The following PUM1 variants were observed in gnomAD, a reference collection of about 807,000 sequenced individuals.
The protein encoded by PUM1 is pumilio RNA binding family member 1, also known as pumilio homolog 1.
PUM1 carries 13 observed loss-of-function variants against 131.8 expected under a neutral mutation model. The ratio of observed to expected loss-of-function variants is 0.10; its 90% CI spans 0.06 to 0.16. The LOEUF (loss-of-function observed/expected upper bound fraction) is 0.16, where lower values mean the gene tolerates loss of function less well. Among genes scored for constraint, PUM1 ranks in the 10% least tolerant of loss-of-function variants. The pLI is 1.00. For synonymous variants in PUM1, 509 were observed against 556.5 expected, an observed-to-expected ratio of 0.91 and a Z score of 1.20; for missense variants, 961 against 1,512.4, an observed-to-expected ratio of 0.64 and a Z score of 6.05.
intron 7 of PUM1, among the ~76,000 whole-genome samples, chr1:30,987,001 A>G (rs1429621926): frequency 1.3e-5 from 2 of 152,194 alleles, no homozygotes; most frequent in Non-Finnish European, 2.9e-5. Context: ...CAGAATATTG[A>G]ATCTTTGTTA....
intron 3 of PUM1, among the ~76,000 whole-genome samples, chr1:31,012,970 A>G (rs1220211674): frequency 1.3e-5 from 2 of 152,214 alleles, no homozygotes; most frequent in Non-Finnish European, 1.5e-5. Context: ...ATTGTGTACA[A>G]TGAAAGAGAT....
chr1:30,972,571 C>A (rs1040491197), intron 10 of PUM1, among the ~76,000 whole-genome samples: 1 of 149,206 alleles, frequency 6.7e-6, no homozygotes, highest in Non-Finnish European at 1.5e-5. Flanking sequence ...GTCAAGAGTT[C>A]GAGATCAGTC....
chr1:30,947,061 ATTTTCC>A (rs1639706356), intron 17 of PUM1, among the ~76,000 whole-genome samples: 1 of 152,190 alleles, frequency 6.6e-6, no homozygotes, highest in Admixed American at 6.5e-5. Context: ...TTTTAATTAA[ATTTTCC>A]TAACAGTCTT....
chr1:31,017,179 A>G (rs937065558), intron 3 of PUM1, among the ~76,000 whole-genome samples: 1 of 152,248 alleles, frequency 6.6e-6, no homozygotes, highest in Admixed American at 6.5e-5. Context: ...GAAAAAACAA[A>G]AAAAGCAGTA....
At chr1:30,940,302 C>G (rs548385816) in intron 20 of PUM1, among the ~76,000 whole-genome samples, 1 of 152,012 alleles carries the variant, frequency 6.6e-6, no homozygotes, top group East Asian at 1.9e-4. Flanking sequence ...ATGGTGAAAC[C>G]CTGTCTCTAC....
chr1:31,060,957 A>G lies in PUM1; in HGVS notation c.-11-1380T>C, dbSNP rs1470490076. On this transcript the variant is annotated intron_variant, in intron 1 of 21. Coordinates refer to ENST00000426105, the MANE Select transcript of PUM1 (RefSeq NM_001020658.2). ...AATATATTGATAGGATATTTCTTAA[A>G]GAAACAATAAAACCCTCTGACCAAG... is the stretch of plus-strand genomic sequence containing the variant. Among the ~76,000 whole-genome samples the G allele has an allele frequency of 2.0e-5, 3 of 152,046 alleles. No homozygotes were observed. The East Asian group carries it at 5.8e-4, about 29-fold the overall frequency.
chr1:31,032,300 C>T (rs1303447271), intron 2 of PUM1, among the ~76,000 whole-genome samples: 2 of 152,018 alleles, frequency 1.3e-5, no homozygotes, highest in African/African-American at 4.8e-5. Context: ...GCTCAAGAAT[C>T]AAGAGAAATC....
At position 30,953,858 on chromosome 1, in the gene PUM1, C is replaced by A; in HGVS notation, c.2447G>T (p.Arg816Leu). ...GACATCAGACATTCCATATCGCAAACGAGAGGAAGAGAAAAGAGTGCTGCT... is the reference window on the plus strand; with the variant it reads ...GACATCAGACATTCCATATCGCAAAAGAGAGGAAGAGAAAAGAGTGCTGCT... ...SPSSTLFSSS[R>L]LRYGMSDVMP... Residue 816 changes from arginine to leucine, a missense_variant, in exon 15 of 22, where the codon CGT becomes CTT. By Grantham distance (102) the Arg-to-Leu change is moderately radical (BLOSUM62 -2). Transcript: ENST00000426105. 6.2e-7 allele frequency: 1 copy of A among 1,614,192 alleles called. No individual in the cohort carries two copies. Among genetic ancestry groups the A allele is most frequent in the Non-Finnish European group, 8.5e-7 (1 of 1,180,034 alleles).
intron 3 of PUM1, among the ~76,000 whole-genome samples, chr1:31,014,229 A>T (rs1642725522): frequency 6.9e-6 from 1 of 144,306 alleles, no homozygotes; most frequent in African/African-American, 2.6e-5. Context: ...TGAGCCCAGG[A>T]GGTCAAGGCT....
intron 2 of PUM1, among the ~76,000 whole-genome samples, chr1:31,048,305 T>G (rs1644019646): frequency 6.6e-6 from 1 of 151,170 alleles, no homozygotes; most frequent in Non-Finnish European, 1.5e-5. Context: ...TACTTTACAG[T>G]TTACAAAGCA....
chr1:30,951,773 A>C (rs1394353266), intron 16 of PUM1, among the ~76,000 whole-genome samples: 1 of 152,252 alleles, frequency 6.6e-6, no homozygotes, highest in East Asian at 1.9e-4. Flanking sequence ...ATCAGCCAAG[A>C]AGCAGCATTT....
At chr1:31,005,711 CGTT>C (rs1557581722) in intron 5 of PUM1, 139 bp downstream of exon 5, 6 of 769,658 alleles carry the variant, frequency 7.8e-6, no homozygotes, top group Non-Finnish European at 1.2e-5. Context: ...TTACAACAAA[CGTT>C]GTTTGAAAAT....
intron 2 of PUM1, among the ~76,000 whole-genome samples, chr1:31,035,451 G>A (rs1643576673): frequency 6.6e-6 from 1 of 151,886 alleles, no homozygotes; most frequent in Admixed American, 6.6e-5. Flanking sequence ...TTCCCATTTT[G>A]GAAGCAAAGC....
intron 3 of PUM1, among the ~76,000 whole-genome samples, chr1:31,026,069 C>T (rs1344462537): frequency 6.6e-6 from 1 of 151,922 alleles, no homozygotes; most frequent in African/African-American, 2.4e-5. Context: ...CTGGGCAACA[C>T]AGTGAAACCC....
intron 3 of PUM1, among the ~76,000 whole-genome samples, chr1:31,025,545 CTTTTTTTTTT>C (rs35510099): frequency 1.1e-5 from 1 of 88,822 alleles, no homozygotes; most frequent in Non-Finnish European, 2.0e-5. Context: ...TGTTTTTTGT[CTTTTTTTTTT>C]TTTTTTTTTT....
Position 31,015,965 on chromosome 1 carries a change from G to A in PUM1, c.433-8863C>T, listed in dbSNP as rs145473939. 5.3e-3 allele frequency among the ~76,000 whole-genome samples: 802 copies of A among 152,214 alleles called. 6 individuals are homozygous for A. The highest frequency in any genetic ancestry group is 0.018 in the African/African-American group (732 of 41,528). On this transcript the variant is annotated intron_variant, in intron 3 of 21. Transcript: ENST00000426105. The stretch of plus-strand genomic sequence containing the variant: ...TGGGATTACAGGCATAAGCCACTGC[G>A]CCTGGCCACTTCAATACAATTTCAA...
intron 19 of PUM1, 71 bp downstream of exon 19, chr1:30,941,927 C>G (rs751611297): frequency 2.9e-6 from 4 of 1,394,286 alleles, no homozygotes; most frequent in Non-Finnish European, 3.9e-6. Context: ...CCTACACTGA[C>G]AAAACACACA....
At chr1:30,961,345 A>AC (rs1451765565) in intron 14 of PUM1, among the ~76,000 whole-genome samples, 1 of 132,342 alleles carries the variant, frequency 7.6e-6, no homozygotes, top group African/African-American at 2.9e-5. Flanking sequence ...CTTAGTTTCT[A>AC]CAAAAAAAAA....
At chr1:30,958,489 G>A (rs1250439337) in intron 14 of PUM1, among the ~76,000 whole-genome samples, 2 of 152,136 alleles carry the variant, frequency 1.3e-5, no homozygotes, top group Non-Finnish European at 2.9e-5. Flanking sequence ...ATGTTTAAGA[G>A]TTTTTAAATG....
Sources: allele counts gnomAD v4.1 joint callset (sites outside exome capture counted in the v4.1 genomes callset), GRCh38; gene constraint gnomAD v4.1.1; transcripts MANE v1.5; gene names NCBI Gene and HGNC (gene_info 2026-07-23, HGNC 2026-07-21).